OTOA: variants seen among roughly 807,000 people sequenced by gnomAD.
OTOA encodes cancer/testis antigen 108.
OTOA carries 70 observed loss-of-function variants against 110.8 expected under a neutral mutation model. The ratio of observed to expected loss-of-function variants is 0.63; its 90% CI spans 0.52 to 0.77. The LOEUF is 0.77. OTOA is among the 30% of genes least tolerant of loss of function. OTOA has a pLI of 0.00. For synonymous variants in OTOA, 373 were observed against 431.5 expected (o/e 0.86, Z 1.68); for missense variants, 917 against 1,075.8 (o/e 0.85, Z 2.06).
intron 6 of OTOA, among the ~76,000 whole-genome samples, chr16:21,684,123 A>G (rs1966951959): frequency 6.6e-6 from 1 of 151,650 alleles, no homozygotes; most frequent in African/African-American, 2.4e-5. Context: ...AGACATACTT[A>G]TACTAAAAAA....
At chr16:21,678,869 G>T in intron 2 of OTOA, 46 bp from the exon 3 acceptor site, 1 of 1,604,258 alleles carries the variant, frequency 6.2e-7, no homozygotes, top group South Asian at 1.1e-5. Context: ...AGTTTTGAAG[G>T]TCACACAATT....
At chr16:21,725,701 G>T (rs909194525) in intron 18 of OTOA, among the ~76,000 whole-genome samples, 5 of 152,316 alleles carry the variant, frequency 3.3e-5, no homozygotes, top group African/African-American at 9.6e-5. Context: ...GGAAGACGTT[G>T]TATCTGGTTT....
rs200249536 is a variant in OTOA at position 21,681,802 on chromosome 16, G to A, written c.244G>A (p.Ala82Thr). 33 of 1,613,890 alleles carry A rather than the reference G, an allele frequency of 2.0e-5. No homozygotes were observed. Among genetic ancestry groups the A allele is most frequent in the Non-Finnish European group, 3.4e-6 (4 of 1,179,944 alleles). The part of the protein sequence containing the change: ...VLAYLNSRNV[A>T]FTIPSLQAAV... ...GGCCTATCTGAATTCCCGGAATGTT[G>A]CCTTCACCATCCCCAGCCTGCAGGT... Residue 82 changes from alanine (A) to threonine (T), a missense_variant, in exon 6 of 29, where the codon GCC becomes ACC. Ala to Thr is a moderately conservative substitution (Grantham distance 58). Around this residue, in one of 6 missense-constraint regions of OTOA, gnomAD observed 840 missense variants for 910.2 expected, o/e 0.92. Transcript: ENST00000646100.
intron 11 of OTOA, among the ~76,000 whole-genome samples, chr16:21,702,248 C>A (rs771607401): frequency 3.3e-5 from 5 of 152,188 alleles, no homozygotes; most frequent in Non-Finnish European, 7.3e-5. Flanking sequence ...CTGTGCTGGG[C>A]CATCATTCAA....
At chr16:21,721,045 A>G (rs1459341403) in intron 17 of OTOA, among the ~76,000 whole-genome samples, 1 of 151,322 alleles carries the variant, frequency 6.6e-6, no homozygotes, top group Non-Finnish European at 1.5e-5. Flanking sequence ...CTCCTGTCTA[A>G]CTGGGATTCT....
intron 18 of OTOA, among the ~76,000 whole-genome samples, chr16:21,724,373 G>A (rs1159922243): frequency 6.6e-6 from 1 of 152,140 alleles, no homozygotes; most frequent in East Asian, 1.9e-4. Flanking sequence ...GGGATGTCCG[G>A]TTCAGCAGTG....
At chr16:21,693,844 G>C (rs1897881272) in intron 9 of OTOA, among the ~76,000 whole-genome samples, 4 of 152,080 alleles carry the variant, frequency 2.6e-5, no homozygotes, top group Admixed American at 2.6e-4. Flanking sequence ...CCAAAGTGCT[G>C]GGATTACAGG....
At chr16:21,678,818 A>T (rs1195165058) in intron 2 of OTOA, 97 bp from the exon 3 acceptor site, 1 of 1,464,232 alleles carries the variant, frequency 6.8e-7, no homozygotes, top group Admixed American at 1.7e-5. Flanking sequence ...AATTTCCTTC[A>T]TGAGTGGCTT....
At chr16:21,691,957 T>G (rs1897839080) in intron 9 of OTOA, among the ~76,000 whole-genome samples, 1 of 152,160 alleles carries the variant, frequency 6.6e-6, no homozygotes, top group African/African-American at 2.4e-5. Flanking sequence ...ATATAAATAA[T>G]GATGGTAACT....
In OTOA at chr16:21,679,129, A is replaced by T. The variant is rs1291955604; in HGVS notation, c.152-55A>T. The T allele has an allele frequency of 5.6e-6, 9 of 1,612,976 alleles. No homozygotes were observed. The East Asian group carries it at 8.9e-5, about 16-fold the overall frequency. On this transcript the variant is annotated intron_variant, in intron 4 of 28. Transcript: ENST00000646100. ...GAATTTCAAACAGAATGTAGCTGTG[A>T]TCTCTCTGGAATGATTCCTTTTAAA...
At chr16:21,675,089 C>A (rs1304174800) in intron 1 of OTOA, among the ~76,000 whole-genome samples, 1 of 122,434 alleles carries the variant, frequency 8.2e-6, no homozygotes, top group Non-Finnish European at 1.8e-5. Context: ...TTCTTTCTTT[C>A]TTTCTTTCTT....
intron 1 of OTOA, among the ~76,000 whole-genome samples, chr16:21,666,335 C>G (rs540611491): frequency 2.0e-5 from 3 of 149,220 alleles, no homozygotes; most frequent in Non-Finnish European, 4.4e-5. Flanking sequence ...AATGGAGCAG[C>G]CTTGCAGACA....
intron 9 of OTOA, among the ~76,000 whole-genome samples, chr16:21,695,919 G>A (rs188969105): frequency 2.3e-5 from 2 of 87,596 alleles, no homozygotes; most frequent in East Asian, 6.0e-4. Flanking sequence ...TTCTGAGATG[G>A]AGTCTGGCTC....
At chr16:21,749,733 G>T (rs1270337216) in intron 24 of OTOA, among the ~76,000 whole-genome samples, 1 of 121,990 alleles carries the variant, frequency 8.2e-6, no homozygotes, top group East Asian at 2.8e-4. Flanking sequence ...ACCCAGGCTG[G>T]AGTGCAGTGG....
intron 6 of OTOA, 112 bp from the exon 7 acceptor site, chr16:21,685,118 G>A (rs1897684568): frequency 6.9e-7 from 1 of 1,445,906 alleles, no homozygotes; most frequent in African/African-American, 1.4e-5. Context: ...CTGGCCACTA[G>A]TTGTGGTCTC....
intron 28 of OTOA, among the ~76,000 whole-genome samples, chr16:21,759,857 G>A (rs1355843938): frequency 4.6e-5 from 7 of 151,854 alleles, no homozygotes; most frequent in Admixed American, 6.6e-5. Flanking sequence ...CCGAGATGGC[G>A]CCATTGCACT....
In OTOA at chr16:21,727,861, C is replaced by CT. The variant is rs1247263694; in HGVS notation, c.2017-362dup. ...ATCTTTAAGAAGTTTGGGATCGGAA[C>CT]TTTTTTTTTTTTTTTTTTGAGACAG... On this transcript the variant is annotated intron_variant, in intron 19 of 28. Coordinates refer to ENST00000646100, the MANE Select transcript of OTOA (RefSeq NM_144672.4). 6.8e-3 allele frequency among the ~76,000 whole-genome samples: 908 copies of CT among 133,878 alleles called. 6 individuals are homozygous for CT. The highest frequency in any genetic ancestry group is 0.015 in the African/African-American group (547 of 36,532). The allele number at this position is 133,878 out of a possible 152,430, so 87.8% of individuals were successfully genotyped here. A position where few individuals can be genotyped will look rare whatever the true frequency, so the allele number is the denominator to read the frequency against.
At chr16:21,732,696 G>T (rs1899155569) in intron 21 of OTOA, among the ~76,000 whole-genome samples, 1 of 151,812 alleles carries the variant, frequency 6.6e-6, no homozygotes, top group Non-Finnish European at 1.5e-5. Flanking sequence ...GATTGCAAAA[G>T]AATATCTATA....
At chr16:21,757,534 GCATAACAT>G (rs1900034102) in intron 28 of OTOA, among the ~76,000 whole-genome samples, 2 of 152,208 alleles carry the variant, frequency 1.3e-5, no homozygotes, top group African/African-American at 4.8e-5. Context: ...TACCCAGAAC[GCATAACAT>G]CAGAAACTCA....
Sources: gnomAD v4.1 joint callset for allele counts (sites outside exome capture counted in the v4.1 genomes callset) on GRCh38, gnomAD v4.1.1 for gene constraint, gnomAD v4.1.1 regional missense constraint, MANE v1.5 for transcripts, NCBI Gene and HGNC (gene_info 2026-07-23, HGNC 2026-07-21) for gene names.